Variants in GREM2 observed in about 807,000 individuals in gnomAD.
The protein encoded by GREM2 is gremlin-2.
GREM2 carries 11 observed loss-of-function variants against 14.2 expected under a neutral mutation model. That is an observed-to-expected ratio of 0.78 (90% CI 0.49 to 1.28). The LOEUF (loss-of-function observed/expected upper bound fraction) is 1.28, where lower values mean the gene tolerates loss of function less well. GREM2 is among the 50% of genes most tolerant of loss of function. The probability of loss-of-function intolerance (pLI) is 0.00; values close to 1 mark genes in which losing one functional copy is unlikely to be tolerated. For missense variants in GREM2, 210 were observed against 218.5 expected (o/e 0.96, Z 0.24); for synonymous variants, 98 against 97.6 (o/e 1.00, Z -0.02).
intron 1 of GREM2, among the ~76,000 whole-genome samples, chr1:240,601,353 G>GA (rs1679918822): frequency 6.6e-6 from 1 of 152,128 alleles, no homozygotes; most frequent in Non-Finnish European, 1.5e-5. Context: ...CCCTCTGTTT[G>GA]ACTACCCACC....
At chr1:240,528,246 A>T (rs1055001514) in intron 1 of GREM2, among the ~76,000 whole-genome samples, 6 of 152,202 alleles carry the variant, frequency 3.9e-5, no homozygotes, top group African/African-American at 1.4e-4. Flanking sequence ...GTTGCCTTTT[A>T]AATAATGAAA....
intron 1 of GREM2, among the ~76,000 whole-genome samples, chr1:240,603,138 C>A (rs2102872540): frequency 6.6e-6 from 1 of 152,226 alleles, no homozygotes; most frequent in African/African-American, 2.4e-5. Context: ...CGGTGCGGAG[C>A]TATCAATGGG....
chr1:240,601,426 G>A (rs992287164), intron 1 of GREM2, among the ~76,000 whole-genome samples: 2 of 152,112 alleles, frequency 1.3e-5, no homozygotes, highest in African/African-American at 4.8e-5. Context: ...ATAATGTGAG[G>A]ACATAGAGCC....
At chr1:240,599,544 A>C (rs1679880756) in intron 1 of GREM2, among the ~76,000 whole-genome samples, 1 of 152,164 alleles carries the variant, frequency 6.6e-6, no homozygotes, top group Admixed American at 6.5e-5. Flanking sequence ...CAGAGGCTGC[A>C]TTTGTTGGTT....
At chr1:240,579,478 A>C (rs1446220556) in intron 1 of GREM2, among the ~76,000 whole-genome samples, 1 of 152,170 alleles carries the variant, frequency 6.6e-6, no homozygotes, top group African/African-American at 2.4e-5. Context: ...AGAGGTGAGG[A>C]TAGAGTGAGA....
At chr1:240,609,089 G>A (rs1399994651) in intron 1 of GREM2, among the ~76,000 whole-genome samples, 16 of 152,154 alleles carry the variant, frequency 1.1e-4, no homozygotes, top group Admixed American at 1.0e-3. Context: ...ATCTATATCT[G>A]AAGGTAATTA....
chr1:240,531,500 A>T, intron 1 of GREM2: 1 of 264,810 alleles, frequency 3.8e-6, no homozygotes, highest in Non-Finnish European at 5.8e-6. Context: ...TGTATGTAAT[A>T]GTATTTCAGA....
intron 1 of GREM2, among the ~76,000 whole-genome samples, chr1:240,515,921 T>C (rs778591754): frequency 6.6e-6 from 1 of 152,140 alleles, no homozygotes; most frequent in Non-Finnish European, 1.5e-5. Flanking sequence ...GAGTTAATGC[T>C]AAATTACTAG....
At chr1:240,572,488 C>T (rs553434309) in intron 1 of GREM2, among the ~76,000 whole-genome samples, 3 of 152,290 alleles carry the variant, frequency 2.0e-5, no homozygotes, top group African/African-American at 7.2e-5. Context: ...TTAGAGAGTA[C>T]GAAGTCTTCC....
At chr1:240,547,511 A>AT (rs1678760515) in intron 1 of GREM2, among the ~76,000 whole-genome samples, 2 of 101,286 alleles carry the variant, frequency 2.0e-5, no homozygotes, top group Admixed American at 1.1e-4. Flanking sequence ...AAAAAAAAAA[A>AT]AAAATATATA....
At chr1:240,508,082 C>T (rs559682415) in intron 1 of GREM2, among the ~76,000 whole-genome samples, 6 of 152,124 alleles carry the variant, frequency 3.9e-5, no homozygotes, top group Non-Finnish European at 7.4e-5. Flanking sequence ...TGAAATTTTG[C>T]TTGTTTCTCA....
At chr1:240,594,129 T>C (rs1679768216) in intron 1 of GREM2, among the ~76,000 whole-genome samples, 1 of 151,984 alleles carries the variant, frequency 6.6e-6, no homozygotes, top group Non-Finnish European at 1.5e-5. Context: ...AATTTTTTGA[T>C]TTTTTGTAGA....
At chr1:240,592,175 T>C (rs1679727926) in intron 1 of GREM2, among the ~76,000 whole-genome samples, 1 of 152,232 alleles carries the variant, frequency 6.6e-6, no homozygotes, top group Non-Finnish European at 1.5e-5. Flanking sequence ...TAAAATTTAA[T>C]TTCATCTAGA....
chr1:240,532,214 G>C (rs978219083), intron 1 of GREM2, among the ~76,000 whole-genome samples: 3 of 152,042 alleles, frequency 2.0e-5, no homozygotes, highest in African/African-American at 7.2e-5. Context: ...CTCCCGAATA[G>C]CTGGGATTAT....
At chr1:240,597,710 C>G (rs1455499828) in intron 1 of GREM2, among the ~76,000 whole-genome samples, 1 of 152,164 alleles carries the variant, frequency 6.6e-6, no homozygotes, top group Non-Finnish European at 1.5e-5. Flanking sequence ...CAAATCAGAA[C>G]TCTGATGAAA....
At chr1:240,572,047 G>T (rs761690158) in intron 1 of GREM2, among the ~76,000 whole-genome samples, 1 of 152,142 alleles carries the variant, frequency 6.6e-6, no homozygotes, top group Non-Finnish European at 1.5e-5. Context: ...GAGGATTTTG[G>T]CACCTTTTGA....
At position 240,543,241 on chromosome 1, in the gene GREM2, G is replaced by A. The variant is rs925882786; in HGVS notation, c.-1-49765C>T. Among the ~76,000 whole-genome samples, 2 of 152,194 alleles carry A rather than the reference G, an allele frequency of 1.3e-5. No homozygotes were observed. The highest frequency in any genetic ancestry group is 4.8e-5 in the African/African-American group (2 of 41,444). On this transcript the variant is annotated intron_variant, in intron 1 of 1. Transcript: ENST00000318160. This position sits in a 1 kb window ranked among gnomAD's most constrained non-coding sequence, Gnocchi z 6.4. The stretch of plus-strand genomic sequence containing the variant: ...TCAGAGAAAATGCACTGTAAAATGT[G>A]TTAGGTAATCTATTAGTCTGTCGTC...
intron 1 of GREM2, among the ~76,000 whole-genome samples, chr1:240,583,351 G>A (rs1679528382): frequency 6.6e-6 from 1 of 152,156 alleles, no homozygotes; most frequent in African/African-American, 2.4e-5. Flanking sequence ...ATAAAGATGT[G>A]ACAGATAGCT....
intron 1 of GREM2, among the ~76,000 whole-genome samples, chr1:240,560,704 CCTAA>C (rs1475041247): frequency 6.6e-6 from 1 of 152,124 alleles, no homozygotes; most frequent in Non-Finnish European, 1.5e-5. Context: ...TCCTCTTTCC[CCTAA>C]CTGACACCAT....
Sources: gnomAD v4.1 joint callset for allele counts (sites outside exome capture counted in the v4.1 genomes callset) on GRCh38, gnomAD v4.1.1 for gene constraint, Gnocchi (gnomAD v3.1) non-coding constraint, MANE v1.5 for transcripts, NCBI Gene and HGNC (gene_info 2026-07-23, HGNC 2026-07-21) for gene names.